Variants in TSPAN7 observed in about 807,000 individuals in gnomAD.
TSPAN7 encodes tetraspanin 7.
TSPAN7 carries 1 observed loss-of-function variant against 17.6 expected under a neutral mutation model. The observed-to-expected ratio is 0.06, with a 90% CI of 0.02 to 0.27. The LOEUF is 0.27. Among genes scored for constraint, TSPAN7 ranks in the 10% least tolerant of loss-of-function variants. The pLI, the probability that TSPAN7 is intolerant of heterozygous loss-of-function variation, is 1.00. For synonymous variants in TSPAN7, 78 were observed against 79.0 expected (o/e 0.99, Z 0.07); for missense variants, 112 against 201.7 (o/e 0.56, Z 2.69).
At chrX:38,642,704 G>C (rs1602109899) in intron 1 of TSPAN7, among the ~76,000 whole-genome samples, 1 of 112,067 alleles carries the variant, frequency 8.9e-6, no homozygotes, top group Admixed American at 9.4e-5. Flanking sequence ...CTGGAGGGCA[G>C]TGGTTAAAAG....
chrX:38,603,524 G>A (rs990885703), intron 1 of TSPAN7, among the ~76,000 whole-genome samples: 4 of 111,814 alleles, frequency 3.6e-5, no homozygotes, highest in African/African-American at 1.3e-4. Context: ...TCCATCAACT[G>A]ATAAATGGAT....
intron 1 of TSPAN7, among the ~76,000 whole-genome samples, chrX:38,599,375 T>TA (rs202017361): frequency 1.4e-4 from 16 of 110,555 alleles, no homozygotes; most frequent in African/African-American, 2.6e-4. Flanking sequence ...CACACTTATT[T>TA]AAAAAAAAAT....
At chrX:38,567,850 A>G (rs1268802115) in intron 1 of TSPAN7, among the ~76,000 whole-genome samples, 1 of 111,741 alleles carries the variant, frequency 8.9e-6, no homozygotes, top group Non-Finnish European at 1.9e-5. Context: ...ACCCTAATAT[A>G]TCATTTTATC....
chrX:38,679,858 T>A (rs1242348614), intron 5 of TSPAN7, among the ~76,000 whole-genome samples: 1 of 112,065 alleles, frequency 8.9e-6, no homozygotes, highest in Non-Finnish European at 1.9e-5. Flanking sequence ...ATGTATTTCC[T>A]TTCCCACTCC....
At chrX:38,577,041 G>A (rs1232268314) in intron 1 of TSPAN7, among the ~76,000 whole-genome samples, 1 of 111,592 alleles carries the variant, frequency 9.0e-6, no homozygotes, top group Non-Finnish European at 1.9e-5. Context: ...GTGACAATGG[G>A]AATGAAGAAT....
chrX:38,607,277 C>T (rs1370356682), intron 1 of TSPAN7, among the ~76,000 whole-genome samples: 14 of 111,785 alleles, frequency 1.3e-4, no homozygotes, highest in East Asian at 2.8e-4. Flanking sequence ...GATGTAAAAA[C>T]GAAAAGACAA....
chrX:38,680,539 T>TTCTCTCTCTCTCTCTCTC (rs61619425), intron 5 of TSPAN7, among the ~76,000 whole-genome samples: 2 of 75,608 alleles, frequency 2.6e-5, no homozygotes, highest in African/African-American at 9.8e-5. Context: ...TACTTACAAA[T>TTCTCTCTCTCTCTCTCTC]TCTCTCTCTC....
At chrX:38,632,756 A>G (rs1222034495) in intron 1 of TSPAN7, among the ~76,000 whole-genome samples, 1 of 112,635 alleles carries the variant, frequency 8.9e-6, no homozygotes, top group African/African-American at 3.2e-5. Flanking sequence ...AGGCTTCAGT[A>G]TTACTTGTTG....
intron 1 of TSPAN7, among the ~76,000 whole-genome samples, chrX:38,597,219 T>A (rs1027694042): frequency 2.7e-5 from 3 of 111,521 alleles, no homozygotes; most frequent in African/African-American, 9.8e-5. Flanking sequence ...CACAGAGAAG[T>A]GAAAAAATTT....
chrX:38,585,320 A>C (rs1046785316), intron 1 of TSPAN7, among the ~76,000 whole-genome samples: 1 of 111,385 alleles, frequency 9.0e-6, no homozygotes, highest in African/African-American at 3.3e-5. Context: ...TATTTTTCCA[A>C]TCTGGTAGAT....
intron 1 of TSPAN7, chrX:38,566,461 T>C: frequency 1.9e-6 from 1 of 530,666 alleles, no homozygotes; most frequent in South Asian, 4.3e-5. Context: ...AATGAATAAA[T>C]GAAATTTTAT....
intron 1 of TSPAN7, among the ~76,000 whole-genome samples, chrX:38,609,970 A>C (rs1158781475): frequency 9.0e-6 from 1 of 110,586 alleles, no homozygotes; most frequent in African/African-American, 3.3e-5. Context: ...GAGCTGGATA[A>C]AGTTCCATTA....
At chrX:38,604,616 G>C (rs899090210) in intron 1 of TSPAN7, among the ~76,000 whole-genome samples, 4 of 111,260 alleles carry the variant, frequency 3.6e-5, no homozygotes, top group Non-Finnish European at 7.6e-5. Context: ...TTCTCTGATG[G>C]CCAGTGATGG....
chrX:38,681,775 G>A (rs771452477), intron 6 of TSPAN7, among the ~76,000 whole-genome samples: 86 of 111,695 alleles, frequency 7.7e-4, no homozygotes, highest in African/African-American at 2.6e-3. Flanking sequence ...TTGGCTATTC[G>A]TAACAGGTTT....
chrX:38,574,892 TG>T (rs1225252313), intron 1 of TSPAN7, among the ~76,000 whole-genome samples: 2 of 110,057 alleles, frequency 1.8e-5, no homozygotes, highest in Non-Finnish European at 3.8e-5. Context: ...TCTGCTTGGG[TG>T]TGGGTGAGAC....
At chrX:38,654,633 C>T (rs2069691675) in intron 1 of TSPAN7, among the ~76,000 whole-genome samples, 1 of 112,095 alleles carries the variant, frequency 8.9e-6, no homozygotes, top group Non-Finnish European at 1.9e-5. Context: ...TACTTACCTG[C>T]CTGCTGTCTT....
intron 1 of TSPAN7, among the ~76,000 whole-genome samples, chrX:38,644,789 G>A (rs1422250914): frequency 1.8e-5 from 2 of 112,367 alleles, no homozygotes; most frequent in African/African-American, 6.5e-5. Flanking sequence ...GATGTACAAG[G>A]TGTTATTCCA....
chrX:38,622,627 C>T (rs1307410303), intron 1 of TSPAN7, among the ~76,000 whole-genome samples: 2 of 112,318 alleles, frequency 1.8e-5, no homozygotes, highest in Admixed American at 1.9e-4. Flanking sequence ...TATGTGATGT[C>T]TTGCATTAGA....
In TSPAN7 at chrX:38,645,773, G is replaced by A. The variant is rs975994777; in HGVS notation, c.82-20348G>A. Among the ~76,000 whole-genome samples the A allele has an allele frequency of 6.3e-5, 7 of 111,822 alleles. No individual in the cohort carries two copies. In the Admixed American group the frequency reaches 6.6e-4, roughly 11 times the overall value. On this transcript the variant is annotated intron_variant, in intron 1 of 7. Coordinates refer to ENST00000378482, the MANE Select transcript of TSPAN7 (RefSeq NM_004615.4). Reference sequence around the variant, plus strand: ...TTCAGAACATAAAAGGATTCTGGACGGTACAGATTCTTGGTAGCGTGCATG... The same window carrying A: ...TTCAGAACATAAAAGGATTCTGGACAGTACAGATTCTTGGTAGCGTGCATG...
Sources: allele counts gnomAD v4.1 joint callset (sites outside exome capture counted in the v4.1 genomes callset), GRCh38; gene constraint gnomAD v4.1.1; transcripts MANE v1.5; gene names NCBI Gene and HGNC (gene_info 2026-07-23, HGNC 2026-07-21).